The following BBX variants were observed in gnomAD, a reference collection of about 807,000 sequenced individuals.
The protein encoded by BBX is HMG box transcription factor BBX.
Under a neutral mutation model 100.2 loss-of-function variants are expected in BBX, and 30 were observed. The ratio of observed to expected loss-of-function variants is 0.30; its 90% CI spans 0.22 to 0.41. The LOEUF is 0.41. BBX is among the 10% of genes least tolerant of loss of function. The pLI, the probability that BBX is intolerant of heterozygous loss-of-function variation, is 1.00. For missense variants in BBX, 1,023 were observed against 1,129.8 expected (o/e 0.91, Z 1.35); for synonymous variants, 376 against 388.1 (o/e 0.97, Z 0.37).
intron 5 of BBX, among the ~76,000 whole-genome samples, chr3:107,721,584 C>G (rs1005915125): frequency 6.6e-6 from 1 of 152,074 alleles, no homozygotes; most frequent in South Asian, 2.1e-4. Context: ...GAGACCTTTT[C>G]CATTCCTGTG....
At chr3:107,661,665 G>C (rs2058450270) in intron 3 of BBX, among the ~76,000 whole-genome samples, 1 of 152,164 alleles carries the variant, frequency 6.6e-6, no homozygotes, top group African/African-American at 2.4e-5. Flanking sequence ...CAGATTGCCA[G>C]CTTCCTCCCT....
rs139829852 is a variant in BBX, at chr3:107,790,671, A to G, written c.2294-569A>G. Among the ~76,000 whole-genome samples the G allele has an allele frequency of 2.8e-3, 433 of 152,296 alleles. 2 individuals are homozygous for G. The highest frequency in any genetic ancestry group is 9.4e-3 in the African/African-American group (390 of 41,562). ...TTTCTTTAGCATCTCCCTGCATGTT[A>G]GTGTCGTGACTACCATAAACCAACT... On this transcript the variant is annotated intron_variant, in intron 14 of 17. Transcript: ENST00000325805.
chr3:107,657,963 A>C (rs570399448), intron 3 of BBX, among the ~76,000 whole-genome samples: 2 of 152,272 alleles, frequency 1.3e-5, no homozygotes, highest in Admixed American at 1.3e-4. Flanking sequence ...AGTGCTGTGC[A>C]AGATGGGAAG....
rs1351119469 is a variant in BBX, at chr3:107,773,630, G to C, written c.1909G>C (p.Asp637His). 6.2e-7 allele frequency: 1 copy of C among 1,606,630 alleles called. No individual in the cohort carries two copies. Among genetic ancestry groups the C allele is most frequent in the Admixed American group, 1.7e-5 (1 of 58,650 alleles). ...GMLTSLRANV[D>H]RGKRSSGKGN... is the part of the protein sequence containing the mutation. ...GCTCACCTCTCTGCGAGCTAATGTTGACAGAGGTAAGTAACTTCTACAAAC... is the reference window on the plus strand; with the variant it reads ...GCTCACCTCTCTGCGAGCTAATGTTCACAGAGGTAAGTAACTTCTACAAAC... The change falls in exon 11 of 18, where the codon GAC becomes CAC. Residue 637 changes from aspartate to histidine, a missense_variant. Asp to His is a moderately conservative substitution (Grantham distance 81). Transcript: ENST00000325805. The surrounding 1 kb of genome is among the most constrained non-coding windows in gnomAD (Gnocchi z 4.1).
At chr3:107,644,136 A>C (rs2057381576) in intron 2 of BBX, among the ~76,000 whole-genome samples, 1 of 152,200 alleles carries the variant, frequency 6.6e-6, no homozygotes. Flanking sequence ...ATATTCAATT[A>C]TATTAATAGA....
At chr3:107,606,748 G>A (rs2054474420) in intron 2 of BBX, among the ~76,000 whole-genome samples, 1 of 151,974 alleles carries the variant, frequency 6.6e-6, no homozygotes, top group South Asian at 2.1e-4. Context: ...TCACATCAGG[G>A]TAAATGGGGT....
intron 2 of BBX, among the ~76,000 whole-genome samples, chr3:107,616,005 CTTTTTTTTTTTTTTTT>C (rs59614452): frequency 0.02 from 382 of 19,236 alleles, 9 homozygotes; most frequent in Admixed American, 0.16. Flanking sequence ...TACTCACCTG[CTTTTTTTTTTTTTTTT>C]TTTTTTTTTT....
intron 2 of BBX, among the ~76,000 whole-genome samples, chr3:107,564,583 C>T (rs1261840675): frequency 2.6e-5 from 4 of 152,128 alleles, no homozygotes; most frequent in Admixed American, 6.5e-5. Context: ...CATCTCAATC[C>T]TCCACACAGG....
intron 9 of BBX, among the ~76,000 whole-genome samples, chr3:107,751,512 C>T (rs987672089): frequency 2.0e-5 from 3 of 151,940 alleles, no homozygotes; most frequent in Non-Finnish European, 2.9e-5. Context: ...TTCTTTAAGT[C>T]GAAAATGTTT....
chr3:107,559,930 G>A (rs1361608695), intron 2 of BBX, among the ~76,000 whole-genome samples: 1 of 152,028 alleles, frequency 6.6e-6, no homozygotes, highest in East Asian at 1.9e-4. Context: ...TTTTTGTAGA[G>A]ACGAGGTTTT....
chr3:107,675,701 A>G (rs2059245894), intron 3 of BBX, among the ~76,000 whole-genome samples: 1 of 152,220 alleles, frequency 6.6e-6, no homozygotes, highest in East Asian at 1.9e-4. Flanking sequence ...AAAAGGCAGT[A>G]TGATATAGCG....
chr3:107,759,628 G>A (rs1369120595), intron 10 of BBX, among the ~76,000 whole-genome samples: 1 of 152,092 alleles, frequency 6.6e-6, no homozygotes, highest in South Asian at 2.1e-4. Flanking sequence ...AACAAGTAGA[G>A]CAACTTGTTC....
At chr3:107,714,760 T>C (rs2061981683) in intron 4 of BBX, among the ~76,000 whole-genome samples, 1 of 152,144 alleles carries the variant, frequency 6.6e-6, no homozygotes, top group East Asian at 1.9e-4. Context: ...TAATGGTTAA[T>C]TGATTGCATT....
chr3:107,796,706 T>C (rs2069706634), intron 15 of BBX, among the ~76,000 whole-genome samples: 2 of 152,140 alleles, frequency 1.3e-5, no homozygotes, highest in Admixed American at 6.5e-5. Flanking sequence ...CTGGAAGCTT[T>C]TATTGAAGTT....
intron 2 of BBX, among the ~76,000 whole-genome samples, chr3:107,589,130 A>G (rs1295597913): frequency 2.6e-5 from 4 of 152,226 alleles, no homozygotes; most frequent in African/African-American, 9.6e-5. Context: ...CTGTTCTCCC[A>G]TATTTTAACG....
intron 7 of BBX, among the ~76,000 whole-genome samples, chr3:107,743,920 T>TTTTTTTTTTTTTTTTTTTTTTTAG (rs1560080715): frequency 2.2e-4 from 1 of 4,506 alleles, no homozygotes; most frequent in African/African-American, 1.0e-3. Flanking sequence ...TTTTAGTGGT[T>TTTTTTTTTTTTTTTTTTTTTTTAG]TTTTTTTTTT....
At chr3:107,715,318 A>T (rs1484315304) in intron 4 of BBX, among the ~76,000 whole-genome samples, 1 of 152,176 alleles carries the variant, frequency 6.6e-6, no homozygotes, top group East Asian at 1.9e-4. Context: ...TGGGATTTAG[A>T]ACCTGTGTTT....
intron 13 of BBX, among the ~76,000 whole-genome samples, chr3:107,781,410 C>T (rs1481305635): frequency 6.6e-6 from 1 of 152,072 alleles, no homozygotes; most frequent in African/African-American, 2.4e-5. Context: ...ATTTCCCTTT[C>T]CTTCTAAAAA....
intron 3 of BBX, among the ~76,000 whole-genome samples, chr3:107,697,248 T>A (rs1016523483): frequency 6.6e-6 from 1 of 151,938 alleles, no homozygotes; most frequent in East Asian, 1.9e-4. Flanking sequence ...TGAGGAACTG[T>A]GTTCCTTTCG....
Sources: allele counts gnomAD v4.1 joint callset (sites outside exome capture counted in the v4.1 genomes callset), GRCh38; gene constraint gnomAD v4.1.1; non-coding constraint Gnocchi (gnomAD v3.1); transcripts MANE v1.5; gene names NCBI Gene and HGNC (gene_info 2026-07-23, HGNC 2026-07-21).